Variants in IGSF11 observed in about 807,000 individuals in gnomAD.
IGSF11 encodes the protein CXADR like 1.
Under a neutral mutation model 41.0 loss-of-function variants are expected in IGSF11, and 22 were observed. That is an observed-to-expected ratio of 0.54 (90% CI 0.38 to 0.77). The LOEUF (loss-of-function observed/expected upper bound fraction) is 0.77. Ranked by LOEUF, IGSF11 falls within the 30% of genes least tolerant of loss-of-function variation. The pLI is 0.00. For missense variants in IGSF11, 444 were observed against 530.8 expected, an observed-to-expected ratio of 0.84 and a Z score of 1.61; for synonymous variants, 219 against 201.3, an observed-to-expected ratio of 1.09 and a Z score of -0.74.
intron 1 of IGSF11, among the ~76,000 whole-genome samples, chr3:119,029,259 C>T (rs891472937): frequency 6.7e-6 from 1 of 148,568 alleles, no homozygotes; most frequent in South Asian, 2.2e-4. Context: ...CACACACACA[C>T]ACACACACAC....
intron 1 of IGSF11, among the ~76,000 whole-genome samples, chr3:119,070,406 A>T (rs2076380180): frequency 6.6e-6 from 1 of 152,214 alleles, no homozygotes; most frequent in Non-Finnish European, 1.5e-5. Flanking sequence ...ATAAGGGAAG[A>T]ATGTATAAAG....
rs1292195499 is a variant in IGSF11, at chr3:119,092,098, G to A, written c.49+13046C>T. 7.3e-5 allele frequency among the ~76,000 whole-genome samples: 11 copies of A among 151,026 alleles called. No homozygotes were observed. The South Asian group carries it at 8.4e-4, about 12-fold the overall frequency. On this transcript the variant is annotated intron_variant, in intron 1 of 6. Coordinates refer to the IGSF11 transcript ENST00000354673. ...GCAATCTCGGCTCACTGAAACCTCC[G>A]CCTCCTGGGTTCAAGCAATTTTCAT...
At chr3:118,923,855 G>A (rs925424314) in intron 4 of IGSF11, among the ~76,000 whole-genome samples, 4 of 152,144 alleles carry the variant, frequency 2.6e-5, no homozygotes, top group East Asian at 1.9e-4. Context: ...TAGGAGGTAC[G>A]TGATAGCAGT....
chr3:118,925,868 G>C, intron 4 of IGSF11: 1 of 276,082 alleles, frequency 3.6e-6, no homozygotes. Flanking sequence ...ACGTGAATGG[G>C]AACAGTTTCC....
chr3:119,117,499 C>A (rs1005524242), intron 1 of IGSF11, among the ~76,000 whole-genome samples: 1 of 152,104 alleles, frequency 6.6e-6, no homozygotes, highest in Non-Finnish European at 1.5e-5. Context: ...ACAGGAAAGA[C>A]CTGCCCCCCA....
chr3:118,939,948 T>C (rs1054728445), intron 1 of IGSF11, among the ~76,000 whole-genome samples: 20 of 152,044 alleles, frequency 1.3e-4, no homozygotes, highest in African/African-American at 3.6e-4. Flanking sequence ...AATTTATAAA[T>C]CTCTAACCAG....
chr3:119,106,641 G>A (rs1174398254), upstream of IGSF11, among the ~76,000 whole-genome samples: 4 of 152,016 alleles, frequency 2.6e-5, no homozygotes, highest in Admixed American at 6.5e-5. Flanking sequence ...CAACGTGCGG[G>A]TTAGTTACAT....
chr3:119,110,825 T>G (rs868067219), intron 1 of IGSF11, among the ~76,000 whole-genome samples: 190 of 151,426 alleles, frequency 1.3e-3, no homozygotes, highest in Non-Finnish European at 2.1e-3. Context: ...GTCTGTAAAG[T>G]ATTTTATTTC....
intron 1 of IGSF11, among the ~76,000 whole-genome samples, chr3:119,145,274 G>A (rs537244385): frequency 1.5e-3 from 229 of 152,286 alleles, no homozygotes; most frequent in Non-Finnish European, 2.5e-3. Flanking sequence ...AGTGATTTCA[G>A]GCTTTGCAAG....
At chr3:119,038,048 G>A (rs1940979458), upstream of IGSF11, among the ~76,000 whole-genome samples, 2 of 152,122 alleles carry the variant, frequency 1.3e-5, no homozygotes, top group African/African-American at 4.8e-5. Flanking sequence ...TAACCCAGCT[G>A]CTTAGAGCCA....
At chr3:119,015,566 A>G (rs1199062351) in intron 1 of IGSF11, among the ~76,000 whole-genome samples, 1 of 152,196 alleles carries the variant, frequency 6.6e-6, no homozygotes, top group African/African-American at 2.4e-5. Context: ...AGAGGTAAGT[A>G]AACATTTTAA....
At position 118,947,052 on chromosome 3, in the gene IGSF11, A is replaced by C. The variant is rs1425914505; in HGVS notation, c.53-16777T>G. On this transcript the variant is annotated intron_variant, in intron 1 of 6. Coordinates refer to ENST00000393775, the MANE Select transcript of IGSF11 (RefSeq NM_001015887.3). Reference sequence around the variant, plus strand: ...CTCCTCCTAAAACAACTTCCAGTTGAGACCAGAAGCAGCAGCAGTCCTCGA... The same window carrying C: ...CTCCTCCTAAAACAACTTCCAGTTGCGACCAGAAGCAGCAGCAGTCCTCGA... The C allele has an allele frequency of 2.0e-5, 3 of 152,312 alleles. No individual in the cohort carries two copies. In the East Asian group the frequency reaches 5.8e-4, roughly 29 times the overall value. 9.4% of individuals were successfully genotyped at this position (152,312 alleles called of 1,614,324 possible).
chr3:118,926,954 A>T (rs1942372650), intron 3 of IGSF11, among the ~76,000 whole-genome samples: 1 of 152,228 alleles, frequency 6.6e-6, no homozygotes, highest in Non-Finnish European at 1.5e-5. Flanking sequence ...GCTGGGGAAT[A>T]CAGATGGTAG....
Position 119,119,642 on chromosome 3 carries a change from C to T in IGSF11, c.-13-14437G>A, listed in dbSNP as rs144688215. ...TTTGACTGCTTTTGGAATTCCATTA[C>T]AAGAACCATCCCCAGAACACAGTCA... On this transcript the variant is annotated intron_variant, in intron 1 of 7. Transcript: ENST00000425327. Among the ~76,000 whole-genome samples, 38 of 152,272 alleles carry T rather than the reference C, an allele frequency of 2.5e-4. No individual in the cohort carries two copies. In the East Asian group the frequency reaches 7.4e-3, roughly 29 times the overall value.
intron 1 of IGSF11, among the ~76,000 whole-genome samples, chr3:119,059,048 G>A (rs59520607): frequency 0.051 from 7,629 of 148,294 alleles, 695 homozygotes; most frequent in African/African-American, 0.19. Flanking sequence ...TGGGTGCAGC[G>A]CACCAACATG....
intron 1 of IGSF11, among the ~76,000 whole-genome samples, chr3:119,081,330 T>C (rs2076582760): frequency 6.6e-6 from 1 of 152,152 alleles, no homozygotes; most frequent in South Asian, 2.1e-4. Flanking sequence ...CTCTACTTTT[T>C]ATTGCTTCTT....
At chr3:119,048,320 C>T (rs1185053597) in intron 1 of IGSF11, among the ~76,000 whole-genome samples, 11 of 151,842 alleles carry the variant, frequency 7.2e-5, no homozygotes, top group Admixed American at 2.6e-4. Context: ...GGGGATATCA[C>T]CACCGATCCC....
chr3:118,928,466 C>T (rs756299685), intron 3 of IGSF11, 43 bp downstream of exon 3: 6 of 1,496,346 alleles, frequency 4.0e-6, no homozygotes, highest in South Asian at 2.3e-5. Flanking sequence ...AGAGTAGCTT[C>T]GTGAGTAAAG....
At chr3:118,994,259 C>T (rs1576582155) in intron 1 of IGSF11, among the ~76,000 whole-genome samples, 1 of 152,232 alleles carries the variant, frequency 6.6e-6, no homozygotes, top group African/African-American at 2.4e-5. Context: ...TAAGAATTAC[C>T]GAAGCCTAGC....
Sources: gnomAD v4.1 joint callset for allele counts (sites outside exome capture counted in the v4.1 genomes callset) on GRCh38, gnomAD v4.1.1 for gene constraint, MANE v1.5 for transcripts, NCBI Gene and HGNC (gene_info 2026-07-23, HGNC 2026-07-21) for gene names.